The following AMPH variants were observed in gnomAD, a reference collection of about 807,000 sequenced individuals.
AMPH encodes amphiphysin (Stiff-Mann syndrome with breast cancer 128kD autoantigen).
In AMPH, 49 loss-of-function variants were observed where a neutral mutation model predicts 99.1. The ratio of observed to expected loss-of-function variants is 0.49; its 90% CI spans 0.39 to 0.63. The LOEUF (loss-of-function observed/expected upper bound fraction) is 0.63. Among genes scored for constraint, AMPH ranks in the 20% least tolerant of loss-of-function variants. The pLI is 0.00. For missense variants in AMPH, 759 were observed against 863.4 expected (o/e 0.88, Z 1.52); for synonymous variants, 314 against 317.3 (o/e 0.99, Z 0.11).
rs183472998 is a variant in AMPH, at chr7:38,414,534, T to A, written c.1398+3291A>T. Among the ~76,000 whole-genome samples, 14 of 152,294 alleles carry A rather than the reference T, an allele frequency of 9.2e-5. No individual in the cohort carries two copies. The East Asian group carries it at 2.3e-3, about 25-fold the overall frequency. On this transcript the variant is annotated intron_variant, in intron 17 of 20. Transcript: ENST00000356264. ...GGGGCCTCTTTAGAAAAAAATGGAA[T>A]AAATGTGGGTAAAAATCTAACCATA...
At chr7:38,463,954 G>A (rs998701820) in intron 9 of AMPH, 1 of 767,310 alleles carries the variant, frequency 1.3e-6, no homozygotes, top group Non-Finnish European at 1.9e-6. Flanking sequence ...CATATTCAAA[G>A]GGCTGAGGAA....
chr7:38,611,131 C>T (rs1332211690), intron 1 of AMPH, among the ~76,000 whole-genome samples: 1 of 152,122 alleles, frequency 6.6e-6, no homozygotes, highest in Non-Finnish European at 1.5e-5. Flanking sequence ...GAATGTGATT[C>T]CACCTTTAAG....
intron 2 of AMPH, among the ~76,000 whole-genome samples, chr7:38,508,459 AAAGAC>A (rs1789416548): frequency 6.6e-6 from 1 of 152,242 alleles, no homozygotes; most frequent in Non-Finnish European, 1.5e-5. Flanking sequence ...AAAGAAAAAG[AAAGAC>A]AAGAGGAAGA....
chr7:38,455,852 C>A (rs1371543825), intron 11 of AMPH, among the ~76,000 whole-genome samples: 1 of 152,230 alleles, frequency 6.6e-6, no homozygotes, highest in African/African-American at 2.4e-5. Flanking sequence ...TGCTCTGGGG[C>A]AGATACTGCC....
intron 5 of AMPH, among the ~76,000 whole-genome samples, chr7:38,479,728 A>T (rs1432077747): frequency 6.6e-6 from 1 of 151,200 alleles, no homozygotes; most frequent in Non-Finnish European, 1.5e-5. Context: ...ATTATACATT[A>T]TAAGGCAGCA....
chr7:38,392,437 A>G (rs1584029986), intron 18 of AMPH, among the ~76,000 whole-genome samples: 1 of 120,972 alleles, frequency 8.3e-6, no homozygotes, highest in East Asian at 2.6e-4. Flanking sequence ...CCCAGGCTGG[A>G]GTGCAATGAC....
intron 11 of AMPH, among the ~76,000 whole-genome samples, chr7:38,455,777 A>G (rs1421187617): frequency 6.6e-6 from 1 of 152,230 alleles, no homozygotes; most frequent in African/African-American, 2.4e-5. Flanking sequence ...CCCCATAGGC[A>G]ACCATGTCCT....
chr7:38,590,156 C>T (rs906576260), intron 1 of AMPH, among the ~76,000 whole-genome samples: 15 of 151,994 alleles, frequency 9.9e-5, no homozygotes, highest in Admixed American at 8.5e-4. Context: ...TTGAGCCATG[C>T]GGTGAGTGTT....
intron 2 of AMPH, among the ~76,000 whole-genome samples, chr7:38,515,967 A>G (rs1380314425): frequency 1.3e-5 from 2 of 152,214 alleles, no homozygotes; most frequent in Non-Finnish European, 1.5e-5. Flanking sequence ...AGAAATTTCT[A>G]AGCAGCAAAA....
intron 2 of AMPH, among the ~76,000 whole-genome samples, chr7:38,522,426 G>A (rs1040888819): frequency 1.3e-5 from 2 of 152,242 alleles, no homozygotes; most frequent in African/African-American, 2.4e-5. Context: ...TTAAACAAGC[G>A]GGATACTTCC....
chr7:38,395,548 T>G (rs545488671), intron 17 of AMPH, among the ~76,000 whole-genome samples: 1 of 152,226 alleles, frequency 6.6e-6, no homozygotes, highest in Non-Finnish European at 1.5e-5. Flanking sequence ...TCTGACAACA[T>G]CAGCTTGGCA....
chr7:38,513,406 A>C (rs1033765670), intron 2 of AMPH, among the ~76,000 whole-genome samples: 5 of 152,212 alleles, frequency 3.3e-5, no homozygotes, highest in African/African-American at 1.2e-4. Flanking sequence ...TGGGAAGTCT[A>C]GCTGAAAATG....
intron 1 of AMPH, among the ~76,000 whole-genome samples, chr7:38,623,482 T>C (rs545522524): frequency 1.3e-5 from 2 of 152,344 alleles, no homozygotes; most frequent in Admixed American, 6.5e-5. Context: ...TTTTTAATTT[T>C]TGAAGTTTCT....
chr7:38,613,700 A>G (rs1793764197), intron 1 of AMPH, among the ~76,000 whole-genome samples: 1 of 152,090 alleles, frequency 6.6e-6, no homozygotes, highest in Non-Finnish European at 1.5e-5. Context: ...GTTGAACTGT[A>G]TGAGATTGCT....
At chr7:38,420,572 C>T (rs932601422) in intron 16 of AMPH, among the ~76,000 whole-genome samples, 2 of 152,178 alleles carry the variant, frequency 1.3e-5, no homozygotes, top group African/African-American at 4.8e-5. Context: ...GACCATAAAC[C>T]AATTATTCCT....
chr7:38,531,938 G>T (rs1419090386), intron 2 of AMPH, among the ~76,000 whole-genome samples: 1 of 151,978 alleles, frequency 6.6e-6, no homozygotes, highest in Non-Finnish European at 1.5e-5. Flanking sequence ...TTAATACTAA[G>T]AATAATAGAC....
At chr7:38,621,774 T>C (rs969802297) in intron 1 of AMPH, among the ~76,000 whole-genome samples, 19 of 152,188 alleles carry the variant, frequency 1.2e-4, no homozygotes, top group African/African-American at 4.6e-4. Flanking sequence ...TTCAGGGTGA[T>C]CAAAATTGAT....
intron 1 of AMPH, among the ~76,000 whole-genome samples, chr7:38,597,042 T>G (rs144155558): frequency 1.6e-3 from 246 of 152,358 alleles, no homozygotes; most frequent in African/African-American, 5.6e-3. Flanking sequence ...ATTTTGATTT[T>G]ACATCATTTC....
intron 11 of AMPH, among the ~76,000 whole-genome samples, chr7:38,453,621 T>A (rs925177342): frequency 1.3e-5 from 2 of 152,176 alleles, no homozygotes; most frequent in Non-Finnish European, 2.9e-5. Flanking sequence ...AAATTACAAA[T>A]ACAAAGAAAA....
Sources: gnomAD v4.1 joint callset for allele counts (sites outside exome capture counted in the v4.1 genomes callset) on GRCh38, gnomAD v4.1.1 for gene constraint, MANE v1.5 for transcripts, NCBI Gene and HGNC (gene_info 2026-07-23, HGNC 2026-07-21) for gene names.